Variants in VSNL1 observed in about 807,000 individuals in gnomAD.
VSNL1 encodes visinin like 1.
Under a neutral mutation model 20.4 loss-of-function variants are expected in VSNL1, and 6 were observed. The observed-to-expected ratio is 0.29, with a 90% confidence interval of 0.16 to 0.58. The LOEUF (loss-of-function observed/expected upper bound fraction) is 0.58. Ranked by LOEUF, VSNL1 falls within the 20% of genes least tolerant of loss-of-function variation. The pLI is 0.90. For synonymous variants in VSNL1, 93 were observed against 86.4 expected, an observed-to-expected ratio of 1.08 and a Z score of -0.42; for missense variants, 100 against 234.5, an observed-to-expected ratio of 0.43 and a Z score of 3.75.
rs577471307 is a variant in VSNL1, at chr2:17,642,309, C to CTTTTTTT, written c.163-7090_163-7084dup. The stretch of plus-strand genomic sequence containing the variant: ...CTGGCTTTTCCCATGGTGAGCATTC[C>CTTTTTTT]TTTTTTTTTTTTTTTTTGAGACAGA... On this transcript the variant is annotated intron_variant, in intron 2 of 3. Coordinates refer to ENST00000295156, the MANE Select transcript of VSNL1 (RefSeq NM_003385.5). 3.3e-3 allele frequency among the ~76,000 whole-genome samples: 305 copies of CTTTTTTT among 93,198 alleles called. 32 individuals are homozygous for CTTTTTTT. The highest frequency in any genetic ancestry group is 4.6e-3 in the East Asian group (20 of 4,382). 61.1% of individuals were successfully genotyped at this position (93,198 alleles called of 152,430 possible). A position where few individuals can be genotyped will look rare whatever the true frequency, so the allele number is the denominator to read the frequency against.
At chr2:17,647,428 C>T (rs532444197) in intron 2 of VSNL1, among the ~76,000 whole-genome samples, 8 of 152,140 alleles carry the variant, frequency 5.3e-5, no homozygotes, top group Non-Finnish European at 8.8e-5. Flanking sequence ...CACCCAGGCC[C>T]CTAATCACAA....
intron 2 of VSNL1, among the ~76,000 whole-genome samples, chr2:17,644,207 T>C (rs1415607671): frequency 6.6e-6 from 1 of 152,166 alleles, no homozygotes; most frequent in Non-Finnish European, 1.5e-5. Context: ...AAATATCAAA[T>C]GACCTCTCAA....
intron 2 of VSNL1, among the ~76,000 whole-genome samples, chr2:17,600,010 A>G (rs1442294093): frequency 1.3e-5 from 2 of 152,170 alleles, no homozygotes; most frequent in Non-Finnish European, 2.9e-5. Flanking sequence ...GACCTCTCCA[A>G]TTCCCAAAGC....
At chr2:17,554,916 T>G (rs1663636845) in intron 1 of VSNL1, among the ~76,000 whole-genome samples, 1 of 152,218 alleles carries the variant, frequency 6.6e-6, no homozygotes, top group South Asian at 2.1e-4. Flanking sequence ...ATCTTTTCAA[T>G]TAAAATTCTT....
intron 1 of VSNL1, among the ~76,000 whole-genome samples, chr2:17,574,942 T>A (rs1170108405): frequency 6.6e-6 from 1 of 152,102 alleles, no homozygotes; most frequent in Non-Finnish European, 1.5e-5. Flanking sequence ...AATCTTTCCT[T>A]CTTGCTTTCT....
chr2:17,638,138 G>A (rs558984083), intron 2 of VSNL1, among the ~76,000 whole-genome samples: 11 of 152,132 alleles, frequency 7.2e-5, no homozygotes, highest in Non-Finnish European at 1.6e-4. Flanking sequence ...GGTATGTAGA[G>A]TCTATACAGC....
intron 1 of VSNL1, among the ~76,000 whole-genome samples, chr2:17,565,131 A>G (rs1193168444): frequency 1.3e-5 from 2 of 152,202 alleles, no homozygotes; most frequent in Non-Finnish European, 2.9e-5. Flanking sequence ...AAAAAAGATT[A>G]TCTAAAATCA....
intron 2 of VSNL1, among the ~76,000 whole-genome samples, chr2:17,639,324 C>A (rs1665830802): frequency 1.3e-5 from 2 of 152,178 alleles, no homozygotes; most frequent in African/African-American, 4.8e-5. Context: ...GTGAAATCCA[C>A]CTTCCTCTCA....
chr2:17,583,189 C>T (rs1292465268), intron 1 of VSNL1, among the ~76,000 whole-genome samples: 1 of 152,140 alleles, frequency 6.6e-6, no homozygotes, highest in African/African-American at 2.4e-5. Flanking sequence ...CACTCACCCC[C>T]TCCACCAAAT....
chr2:17,549,183 C>T (rs2103337451), intron 1 of VSNL1, among the ~76,000 whole-genome samples: 1 of 152,250 alleles, frequency 6.6e-6, no homozygotes, highest in South Asian at 2.1e-4. Context: ...ATAAATGGTT[C>T]TCAAATAACA....
At chr2:17,615,795 C>T (rs141441339) in intron 2 of VSNL1, among the ~76,000 whole-genome samples, 1 of 152,188 alleles carries the variant, frequency 6.6e-6, no homozygotes, top group African/African-American at 2.4e-5. Context: ...CTGCATCAGT[C>T]CTTTTTAATC....
chr2:17,625,678 C>T (rs1367060011), intron 2 of VSNL1, among the ~76,000 whole-genome samples: 4 of 152,066 alleles, frequency 2.6e-5, no homozygotes, highest in Non-Finnish European at 5.9e-5. Context: ...GGGCTGGGGG[C>T]GGGACAATGT....
chr2:17,541,059 T>A (rs1179319566), intron 1 of VSNL1, 141 bp downstream of exon 1: 4 of 143,726 alleles, frequency 2.8e-5, no homozygotes, highest in Non-Finnish European at 6.0e-5. Context: ...TGCTTAATGC[T>A]GGCGATCTGA....
At chr2:17,548,228 C>A (rs2103336738) in intron 1 of VSNL1, among the ~76,000 whole-genome samples, 1 of 151,900 alleles carries the variant, frequency 6.6e-6, no homozygotes, top group South Asian at 2.1e-4. Context: ...CCACACACAT[C>A]AAATCCAAAG....
chr2:17,626,756 T>C (rs1665517787), intron 2 of VSNL1, among the ~76,000 whole-genome samples: 1 of 152,208 alleles, frequency 6.6e-6, no homozygotes, highest in South Asian at 2.1e-4. Flanking sequence ...TATTTTCAGT[T>C]TGGAGCATTG....
intron 1 of VSNL1, among the ~76,000 whole-genome samples, chr2:17,569,257 A>T (rs1385490820): frequency 2.0e-5 from 3 of 152,030 alleles, no homozygotes; most frequent in Non-Finnish European, 1.5e-5. Flanking sequence ...CAGGGAGTGG[A>T]GATCATACAA....
chr2:17,558,685 A>AT (rs1196274887), intron 1 of VSNL1, among the ~76,000 whole-genome samples: 2 of 152,252 alleles, frequency 1.3e-5, no homozygotes, highest in East Asian at 3.9e-4. Context: ...ATACACAGCT[A>AT]TTATTATTGT....
At chr2:17,642,741 A>G (rs920381101) in intron 2 of VSNL1, among the ~76,000 whole-genome samples, 2 of 152,234 alleles carry the variant, frequency 1.3e-5, no homozygotes, top group African/African-American at 4.8e-5. Flanking sequence ...GTGTAAACAG[A>G]GAGATCTGGC....
At chr2:17,652,003 G>A (rs1340207870) in intron 3 of VSNL1, among the ~76,000 whole-genome samples, 2 of 152,208 alleles carry the variant, frequency 1.3e-5, no homozygotes, top group East Asian at 3.8e-4. Flanking sequence ...CAGATGGAGA[G>A]TAGGTTTTCT....
Sources: gnomAD v4.1 joint callset for allele counts (sites outside exome capture counted in the v4.1 genomes callset) on GRCh38, gnomAD v4.1.1 for gene constraint, MANE v1.5 for transcripts, NCBI Gene and HGNC (gene_info 2026-07-23, HGNC 2026-07-21) for gene names.